Variants in TSHZ2 observed in about 807,000 individuals in gnomAD.
TSHZ2 encodes the protein teashirt zinc finger homeobox 2.
Under a neutral mutation model 74.4 loss-of-function variants are expected in TSHZ2, and 21 were observed. That is an observed-to-expected ratio of 0.28 (90% CI 0.20 to 0.41). The LOEUF (loss-of-function observed/expected upper bound fraction) is 0.41, where lower values mean the gene tolerates loss of function less well. TSHZ2 is among the 10% of genes least tolerant of loss of function. The pLI is 1.00. For missense variants in TSHZ2, 1,244 were observed against 1,293.5 expected, an observed-to-expected ratio of 0.96 and a Z score of 0.59; for synonymous variants, 540 against 515.3, an observed-to-expected ratio of 1.05 and a Z score of -0.65.
At chr20:53,274,210 C>T (rs1990895772) in intron 2 of TSHZ2, among the ~76,000 whole-genome samples, 1 of 152,196 alleles carries the variant, frequency 6.6e-6, no homozygotes, top group African/African-American at 2.4e-5. Flanking sequence ...ACGGAGATTG[C>T]AGTGAGCCGA....
At chr20:53,276,215 T>G (rs1369595531) in intron 2 of TSHZ2, among the ~76,000 whole-genome samples, 1 of 150,946 alleles carries the variant, frequency 6.6e-6, no homozygotes, top group East Asian at 1.9e-4. Flanking sequence ...GGTCTAAAGC[T>G]AGGATTTAGC....
intron 1 of TSHZ2, among the ~76,000 whole-genome samples, chr20:53,127,510 A>G (rs1406139520): frequency 6.6e-6 from 1 of 152,202 alleles, no homozygotes; most frequent in African/African-American, 2.4e-5. Context: ...GCTTGAGATG[A>G]GCCTAGGCAA....
At position 53,250,042 on chromosome 20, in the gene TSHZ2, C is replaced by T. The variant is rs539288452; in HGVS notation, c.41-3457C>T. Among the ~76,000 whole-genome samples, 15 of 152,140 alleles carry T rather than the reference C, an allele frequency of 9.9e-5. No individual in the cohort carries two copies. In the South Asian group the frequency reaches 2.1e-3, roughly 21 times the overall value. On this transcript the variant is annotated intron_variant, in intron 1 of 2. Coordinates refer to ENST00000371497, the MANE Select transcript of TSHZ2 (RefSeq NM_173485.6). ...TCAGTAGTTCAGTCAAAGAATGGACCGGATTTGCTCGTGAATCAGCTGTTC... is the reference window on the plus strand; with the variant it reads ...TCAGTAGTTCAGTCAAAGAATGGACTGGATTTGCTCGTGAATCAGCTGTTC...
chr20:53,077,173 G>T (rs1748422216), intron 1 of TSHZ2, among the ~76,000 whole-genome samples: 2 of 152,182 alleles, frequency 1.3e-5, no homozygotes, highest in South Asian at 4.1e-4. Flanking sequence ...AGCACTTTGG[G>T]AGGCTAAGGC....
chr20:53,391,105 A>G (rs1041673169), intron 2 of TSHZ2, among the ~76,000 whole-genome samples: 4 of 138,450 alleles, frequency 2.9e-5, no homozygotes, highest in Non-Finnish European at 1.6e-5. Context: ...GATCAACAGC[A>G]TATACTACAC....
At chr20:53,151,327 G>A (rs1987672601) in intron 1 of TSHZ2, among the ~76,000 whole-genome samples, 1 of 152,338 alleles carries the variant, frequency 6.6e-6, no homozygotes, top group East Asian at 1.9e-4. Context: ...GCTAATGGGT[G>A]TAGCTAAAGC....
At chr20:53,000,462 T>C (rs1217851111) in intron 1 of TSHZ2, among the ~76,000 whole-genome samples, 3 of 152,192 alleles carry the variant, frequency 2.0e-5, no homozygotes, top group Non-Finnish European at 4.4e-5. Context: ...TATGGTTTCA[T>C]TTGCTGTGTA....
chr20:53,001,228 G>GTGTGTGTA (rs1555813619), intron 1 of TSHZ2, among the ~76,000 whole-genome samples: 1 of 143,384 alleles, frequency 7.0e-6, no homozygotes, highest in African/African-American at 2.7e-5. Flanking sequence ...GTGTGTGTGT[G>GTGTGTGTA]TGTGTGTGTG....
intron 1 of TSHZ2, among the ~76,000 whole-genome samples, chr20:53,249,682 A>G (rs367678831): frequency 2.6e-4 from 40 of 152,330 alleles, no homozygotes; most frequent in African/African-American, 8.9e-4. Flanking sequence ...GGCGGGGTCA[A>G]GGAGGGGCAA....
chr20:53,469,919 AAGGC>A (rs542838293), intron 2 of TSHZ2, among the ~76,000 whole-genome samples: 2,475 of 101,310 alleles, frequency 0.024, 178 homozygotes, highest in African/African-American at 0.078. Flanking sequence ...GGAAGGAAGG[AAGGC>A]AGGCAGGCAG....
intron 2 of TSHZ2, among the ~76,000 whole-genome samples, chr20:53,264,295 TAGCAGGTAGCACACAGCAGTAGCACAGC>T (rs1990662856): frequency 6.6e-6 from 1 of 152,166 alleles, no homozygotes; most frequent in Non-Finnish European, 1.5e-5. Context: ...AGGTAGCAGG[TAGCAGGTAGCACACAGCAGTAGCACAGC>T]AGCAGGTAGT....
At chr20:53,475,220 A>G (rs1385113356) in intron 2 of TSHZ2, among the ~76,000 whole-genome samples, 1 of 135,092 alleles carries the variant, frequency 7.4e-6, no homozygotes, top group African/African-American at 2.9e-5. Flanking sequence ...TTTCAGCACC[A>G]CACCACACCT....
chr20:53,033,768 G>C (rs1312517444), intron 1 of TSHZ2, among the ~76,000 whole-genome samples: 2 of 131,382 alleles, frequency 1.5e-5, no homozygotes, highest in African/African-American at 5.8e-5. Flanking sequence ...CGAGCAATTT[G>C]CTTGCCTCAG....
chr20:53,391,450 T>C lies in TSHZ2; in HGVS notation c.*9-95694T>C, dbSNP rs924636064. On this transcript the variant is annotated intron_variant, in intron 2 of 2. Transcript: ENST00000371497. ...GTGAGCGACAGCACCAGGCCGTTTT[T>C]TTTGTTTGTTTGTTTGTTTTTTGTT... Among the ~76,000 whole-genome samples, 145 of 151,684 alleles carry C rather than the reference T, an allele frequency of 9.6e-4. 1 individual carries two copies. The highest frequency in any genetic ancestry group is 3.2e-3 in the African/African-American group (134 of 41,442).
intron 1 of TSHZ2, among the ~76,000 whole-genome samples, chr20:53,060,337 TC>T (rs1376595479): frequency 3.3e-5 from 5 of 152,194 alleles, no homozygotes; most frequent in African/African-American, 1.2e-4. Context: ...AACTCTGATT[TC>T]TCAGGAGCTG....
At chr20:53,261,433 T>G (rs1393243589) in intron 2 of TSHZ2, among the ~76,000 whole-genome samples, 1 of 152,108 alleles carries the variant, frequency 6.6e-6, no homozygotes, top group Non-Finnish European at 1.5e-5. Context: ...CACCTAATAT[T>G]AAAAAAGAAC....
At chr20:53,131,556 C>A (rs1196464339) in intron 1 of TSHZ2, among the ~76,000 whole-genome samples, 2 of 152,200 alleles carry the variant, frequency 1.3e-5, no homozygotes, top group African/African-American at 2.4e-5. Context: ...CAGGGAGAAA[C>A]GAGTGGCCCC....
chr20:53,182,355 G>A (rs1387536242), intron 1 of TSHZ2, among the ~76,000 whole-genome samples: 2 of 151,850 alleles, frequency 1.3e-5, no homozygotes, highest in East Asian at 3.9e-4. Context: ...TGGTTTTAGA[G>A]CTTCAGTCAT....
intron 1 of TSHZ2, among the ~76,000 whole-genome samples, chr20:53,121,918 G>A (rs1208236830): frequency 2.0e-5 from 3 of 152,058 alleles, no homozygotes; most frequent in Admixed American, 6.5e-5. Flanking sequence ...GATAGATGTT[G>A]CTTAAAATGT....
Sources: gnomAD v4.1 joint callset for allele counts (sites outside exome capture counted in the v4.1 genomes callset) on GRCh38, gnomAD v4.1.1 for gene constraint, MANE v1.5 for transcripts, NCBI Gene and HGNC (gene_info 2026-07-23, HGNC 2026-07-21) for gene names.